ZC3H12B: variants seen among roughly 807,000 people sequenced by gnomAD.
The protein encoded by ZC3H12B is probable ribonuclease ZC3H12B.
A neutral mutation model predicts 43.9 loss-of-function variants in ZC3H12B; 7 were observed. The ratio of observed to expected loss-of-function variants is 0.16; its 90% CI spans 0.09 to 0.30. The LOEUF is 0.30. Among genes scored for constraint, ZC3H12B ranks in the 10% least tolerant of loss-of-function variants. The pLI, the probability that ZC3H12B is intolerant of heterozygous loss-of-function variation, is 1.00. For synonymous variants in ZC3H12B, 222 were observed against 241.7 expected (o/e 0.92, Z 0.76); for missense variants, 475 against 670.2 (o/e 0.71, Z 3.22).
At chrX:65,160,691 T>A in the ZC3H12B span, among the ~76,000 whole-genome samples, 1 of 111,842 alleles carries the variant, frequency 8.9e-6, no homozygotes, top group African/African-American at 3.3e-5. Context: ...ATCAATTTTG[T>A]TGATCCTTTC....
At chrX:65,385,693 T>C (rs1310403228) in intron 2 of ZC3H12B, among the ~76,000 whole-genome samples, 1 of 111,542 alleles carries the variant, frequency 9.0e-6, no homozygotes, top group African/African-American at 3.3e-5. Flanking sequence ...TGAATAGGAA[T>C]GGTGAGAGAG....
At chrX:65,153,565 A>G in the ZC3H12B span, among the ~76,000 whole-genome samples, 29 of 112,044 alleles carry the variant, frequency 2.6e-4, no homozygotes, top group Non-Finnish European at 2.1e-4. Context: ...GCAATTATTA[A>G]AAAGTCAGGA....
the ZC3H12B span, among the ~76,000 whole-genome samples, chrX:65,141,623 T>G: frequency 1.8e-5 from 2 of 110,394 alleles, no homozygotes; most frequent in African/African-American, 3.3e-5. Flanking sequence ...ACCCATCACC[T>G]GAACAGTATA....
At chrX:65,063,169 T>C in the ZC3H12B span, among the ~76,000 whole-genome samples, 14 of 111,905 alleles carry the variant, frequency 1.3e-4, no homozygotes, top group African/African-American at 4.2e-4. Context: ...TCTTGCCTGA[T>C]TGCCCTGGTC....
the ZC3H12B span, among the ~76,000 whole-genome samples, chrX:65,171,836 C>T: frequency 7.2e-5 from 8 of 111,425 alleles, 1 homozygote; most frequent in African/African-American, 1.3e-4. Flanking sequence ...TGGGACCCTC[C>T]GAGACAAGTG....
the ZC3H12B span, among the ~76,000 whole-genome samples, chrX:65,207,016 G>A: frequency 1.3e-4 from 14 of 109,080 alleles, no homozygotes; most frequent in Non-Finnish European, 2.3e-4. Context: ...AAATAATATT[G>A]GTGTGGATGT....
chrX:65,380,859 G>A (rs1475695425), intron 2 of ZC3H12B, among the ~76,000 whole-genome samples: 1 of 111,645 alleles, frequency 9.0e-6, no homozygotes, highest in African/African-American at 3.3e-5. Context: ...GACTAAGAAG[G>A]CCATTACTTA....
chrX:65,255,777 T>C, the ZC3H12B span, among the ~76,000 whole-genome samples: 1 of 112,273 alleles, frequency 8.9e-6, no homozygotes, highest in Non-Finnish European at 1.9e-5. Flanking sequence ...AACAGTAAGC[T>C]GTCTTAAAGA....
chrX:65,165,784 G>T, the ZC3H12B span, among the ~76,000 whole-genome samples: 1 of 112,151 alleles, frequency 8.9e-6, no homozygotes, highest in Non-Finnish European at 1.9e-5. Flanking sequence ...ATAGTAGAAT[G>T]ATTTATAATC....
chrX:65,348,510 C>T, the ZC3H12B span, among the ~76,000 whole-genome samples: 1 of 111,012 alleles, frequency 9.0e-6, no homozygotes, highest in Non-Finnish European at 1.9e-5. Context: ...TCAAACATAA[C>T]AATATTAACC....
At chrX:65,043,414 C>G in the ZC3H12B span, among the ~76,000 whole-genome samples, 1 of 110,091 alleles carries the variant, frequency 9.1e-6, no homozygotes, top group Non-Finnish European at 1.9e-5. Flanking sequence ...CAAATTGAGA[C>G]CCAGAGATAA....
intron 3 of ZC3H12B, among the ~76,000 whole-genome samples, chrX:65,482,287 GAA>G (rs1035335030): frequency 9.1e-6 from 1 of 110,092 alleles, no homozygotes; most frequent in Non-Finnish European, 1.9e-5. Flanking sequence ...AGCACAAAAA[GAA>G]AAAGAGAGGG....
At position 65,450,789 on chromosome X, in the gene ZC3H12B, GTA is replaced by G. The variant is rs748834962; in HGVS notation, n.408-37848_408-37847del. 3.0e-3 allele frequency among the ~76,000 whole-genome samples: 187 copies of G among 61,621 alleles called. 1 individual carries two copies. The highest frequency in any genetic ancestry group is 4.6e-3 in the Non-Finnish European group (162 of 35,359). The allele number at this position is 61,621 out of a possible 115,157, so 53.5% of individuals were successfully genotyped here. A position where few individuals can be genotyped will look rare whatever the true frequency, so the allele number is the denominator to read the frequency against. The stretch of plus-strand genomic sequence containing the variant: ...TATATGTATACATATGTGTATATAT[GTA>G]TATATATACATATGTGTATATATGT... On this transcript the variant is annotated intron_variant and non_coding_transcript_variant, in intron 3 of 5. Coordinates refer to the ZC3H12B transcript ENST00000617377.
the ZC3H12B span, among the ~76,000 whole-genome samples, chrX:65,248,361 A>G: frequency 9.0e-6 from 1 of 111,458 alleles, no homozygotes. Flanking sequence ...TATTTGGGAA[A>G]GCTTCCTTCA....
chrX:65,390,934 G>A (rs2066607227), intron 2 of ZC3H12B, among the ~76,000 whole-genome samples: 2 of 111,689 alleles, frequency 1.8e-5, no homozygotes, highest in Non-Finnish European at 3.8e-5. Flanking sequence ...TTAAAATGTT[G>A]CTGTTGTATC....
At chrX:65,321,866 G>T in the ZC3H12B span, among the ~76,000 whole-genome samples, 1 of 110,480 alleles carries the variant, frequency 9.1e-6, no homozygotes, top group African/African-American at 3.3e-5. Context: ...ACAAAGAAGG[G>T]AGCAATATCA....
the ZC3H12B span, among the ~76,000 whole-genome samples, chrX:65,290,559 G>T: frequency 8.9e-6 from 1 of 111,747 alleles, no homozygotes; most frequent in Non-Finnish European, 1.9e-5. Context: ...CTGCACTCAT[G>T]TTAATTGGAG....
chrX:65,178,013 T>C, the ZC3H12B span, among the ~76,000 whole-genome samples: 3 of 111,952 alleles, frequency 2.7e-5, no homozygotes, highest in Non-Finnish European at 3.8e-5. Context: ...CTTCAAACTA[T>C]ACTACAGGGC....
At chrX:65,234,669 G>A in the ZC3H12B span, among the ~76,000 whole-genome samples, 14 of 112,577 alleles carry the variant, frequency 1.2e-4, no homozygotes, top group East Asian at 3.6e-3. Flanking sequence ...GACAAAACCA[G>A]TAAAGTTGCA....
Sources: gnomAD v4.1 joint callset for allele counts (sites outside exome capture counted in the v4.1 genomes callset) on GRCh38, gnomAD v4.1.1 for gene constraint, MANE v1.5 for transcripts, NCBI Gene and HGNC (gene_info 2026-07-23, HGNC 2026-07-21) for gene names.